The following PECAM1 variants were observed in gnomAD, a reference collection of about 807,000 sequenced individuals.
The protein encoded by PECAM1 is platelet and endothelial cell adhesion molecule 1.
A neutral mutation model predicts 13.8 loss-of-function variants in PECAM1; 8 were observed. The ratio of observed to expected loss-of-function variants is 0.58; its 90% CI spans 0.34 to 1.05. PECAM1 has a LOEUF of 1.05. PECAM1 is among the 50% of genes least tolerant of loss of function. The probability of loss-of-function intolerance (pLI) is 0.03; values close to 1 mark genes in which losing one functional copy is unlikely to be tolerated. For synonymous variants in PECAM1, 136 were observed against 52.6 expected, an observed-to-expected ratio of 2.58 and a Z score of -6.86; for missense variants, 304 against 141.2, an observed-to-expected ratio of 2.15 and a Z score of -5.84.
chr17:64,356,992 G>A (rs2035861056), intron 7 of PECAM1, among the ~76,000 whole-genome samples: 1 of 152,034 alleles, frequency 6.6e-6, no homozygotes, highest in African/African-American at 2.4e-5. Context: ...CCCAACCAAC[G>A]TCCCTGAGTC....
At chr17:64,338,597 G>A (rs1199379624) in intron 14 of PECAM1, among the ~76,000 whole-genome samples, 2 of 151,772 alleles carry the variant, frequency 1.3e-5, no homozygotes, top group Non-Finnish European at 2.9e-5. Flanking sequence ...CATTCTTGTT[G>A]CCCAGGCTGG....
At chr17:64,383,678 T>A (rs1392487390) in intron 2 of PECAM1, among the ~76,000 whole-genome samples, 1 of 152,224 alleles carries the variant, frequency 6.6e-6, no homozygotes, top group Non-Finnish European at 1.5e-5. Context: ...CTAGTTCATT[T>A]GATTTTTATA....
intron 14 of PECAM1, among the ~76,000 whole-genome samples, chr17:64,340,969 T>C (rs2035412325): frequency 6.6e-6 from 1 of 151,966 alleles, no homozygotes; most frequent in East Asian, 1.9e-4. Context: ...TGGTGGCACA[T>C]GCCTGTAATT....
chr17:64,368,457 T>C (rs948267661), intron 5 of PECAM1, among the ~76,000 whole-genome samples: 1 of 152,100 alleles, frequency 6.6e-6, no homozygotes, highest in East Asian at 1.9e-4. Context: ...CCTGTAATCC[T>C]TCGTTGAGTT....
At chr17:64,350,588 C>T (rs959360729) in intron 11 of PECAM1, among the ~76,000 whole-genome samples, 155 bp from the exon 12 acceptor site, 11 of 151,752 alleles carry the variant, frequency 7.2e-5, no homozygotes, top group African/African-American at 2.4e-4. Context: ...CTCGTTGGCC[C>T]TCCTGTGGGC....
At position 64,322,346 on chromosome 17, in the gene PECAM1, G is replaced by A. The variant is rs1433453391; in HGVS notation, c.*1470C>T. The A allele has an allele frequency of 1.8e-5, 16 of 872,328 alleles. No individual in the cohort carries two copies. In the South Asian group the frequency reaches 3.6e-4, roughly 20 times the overall value. The allele number at this position is 872,328 out of a possible 1,614,324, so 54.0% of individuals were successfully genotyped here. A position where few individuals can be genotyped will look rare whatever the true frequency, so the allele number is the denominator to read the frequency against. ...GGTTGCAGTGAGCAGAGGTTGCGCC[G>A]CTGCAGTCCAGCCCGGGCAACAAGA... On this transcript the variant is annotated 3_prime_UTR_variant, in exon 16 of 16. Transcript: ENST00000563924.
intron 15 of PECAM1, among the ~76,000 whole-genome samples, chr17:64,324,461 AG>A (rs1261171962): frequency 6.6e-6 from 1 of 152,192 alleles, no homozygotes; most frequent in East Asian, 1.9e-4. Context: ...CAATCACATC[AG>A]TCCACCAAGT....
rs1568045966 is a variant in PECAM1, at chr17:64,390,800, G to A, written c.-135C>T. 1 of 397,976 alleles carries A rather than the reference G, an allele frequency of 2.5e-6. No individual in the cohort carries two copies. The highest frequency in any genetic ancestry group is 4.4e-6 in the Non-Finnish European group (1 of 225,952). The allele number at this position is 397,976 out of a possible 1,614,324, so 24.7% of individuals were successfully genotyped here. On this transcript the variant is annotated 5_prime_UTR_variant, in exon 1 of 16. Coordinates refer to ENST00000563924, the MANE Select transcript of PECAM1 (RefSeq NM_000442.5). ...AGAAATTGCTCTGGTCACTTCTCCC[G>A]GCGCCTGCAGAGAGACCGGCTGTGG...
chr17:64,348,413 T>C (rs1297409438), intron 12 of PECAM1, 91 bp from the exon 13 acceptor site: 1 of 399,018 alleles, frequency 2.5e-6, no homozygotes. Flanking sequence ...TTTTCTTTTT[T>C]TTTTTTTTTT....
Position 64,320,639 on chromosome 17 carries a change from C to G in PECAM1, c.*3177G>C, listed in dbSNP as rs575391928. ...TTGTCACACTGCTTTGTAATTGGCTCTCTGTTAGTCTGCATCTCTACTGGG... is the reference window on the plus strand; with the variant it reads ...TTGTCACACTGCTTTGTAATTGGCTGTCTGTTAGTCTGCATCTCTACTGGG... On this transcript the variant is annotated 3_prime_UTR_variant, in exon 16 of 16. Transcript: ENST00000563924. 6.6e-6 allele frequency: 1 copy of G among 152,218 alleles called. No individual in the cohort carries two copies. The highest frequency in any genetic ancestry group is 1.5e-5 in the Non-Finnish European group (1 of 68,080). 9.4% of individuals were successfully genotyped at this position (152,218 alleles called of 1,614,324 possible).
In PECAM1 at chr17:64,347,079, A is replaced by C. The variant is rs1019574792; in HGVS notation, c.2107+1181T>G. Among the ~76,000 whole-genome samples the C allele has an allele frequency of 2.0e-3, 311 of 152,320 alleles. 1 individual carries two copies. The highest frequency in any genetic ancestry group is 2.4e-3 in the Non-Finnish European group (162 of 68,038). On this transcript the variant is annotated intron_variant, in intron 13 of 15. Transcript: ENST00000563924. ...ATTAGTAGTATCATAACTAATAATT[A>C]TCAAAAATGGCCAGGTGTGGTGGCT...
chr17:64,332,649 G>A (rs1555647005), intron 14 of PECAM1, among the ~76,000 whole-genome samples: 3 of 152,232 alleles, frequency 2.0e-5, no homozygotes, highest in African/African-American at 4.8e-5. Context: ...CAGGATGGGT[G>A]GGGACTGATC....
At chr17:64,373,872 G>A (rs118199393) in intron 4 of PECAM1, among the ~76,000 whole-genome samples, 2 of 152,022 alleles carry the variant, frequency 1.3e-5, no homozygotes, top group African/African-American at 2.4e-5. Context: ...GACTTCTCCC[G>A]GCTTGGCAAA....
At chr17:64,348,490 C>T (rs1193363734) in intron 12 of PECAM1, among the ~76,000 whole-genome samples, 168 bp from the exon 13 acceptor site, 5 of 151,314 alleles carry the variant, frequency 3.3e-5, no homozygotes, top group African/African-American at 1.2e-4. Flanking sequence ...TCACTGCAAC[C>T]TCCACCTCCC....
At chr17:64,353,353 C>A in intron 10 of PECAM1, 138 bp downstream of exon 10, 1 of 398,840 alleles carries the variant, frequency 2.5e-6, no homozygotes. Context: ...CTCACACACA[C>A]AACTCACACC....
At chr17:64,340,294 G>A (rs1321064853) in intron 14 of PECAM1, among the ~76,000 whole-genome samples, 3 of 152,252 alleles carry the variant, frequency 2.0e-5, no homozygotes, top group South Asian at 4.1e-4. Flanking sequence ...CTGGTTTGCC[G>A]ACTGTACTCG....
intron 13 of PECAM1, among the ~76,000 whole-genome samples, chr17:64,343,396 T>C (rs1370235013): frequency 1.3e-5 from 2 of 152,082 alleles, no homozygotes; most frequent in Non-Finnish European, 2.9e-5. Context: ...CCTGGGAAGT[T>C]ACAGGGCCCC....
intron 14 of PECAM1, among the ~76,000 whole-genome samples, chr17:64,336,912 G>A: frequency 6.7e-6 from 1 of 148,774 alleles, no homozygotes; most frequent in Admixed American, 6.7e-5. Flanking sequence ...GAGAGAGAGA[G>A]AAAGATAGAA....
chr17:64,366,609 T>C (rs1260025340), intron 5 of PECAM1, among the ~76,000 whole-genome samples: 2 of 151,524 alleles, frequency 1.3e-5, no homozygotes, highest in Non-Finnish European at 2.9e-5. Context: ...ATTAAGAAAA[T>C]GTGGCACATA....
Sources: allele counts gnomAD v4.1 joint callset (sites outside exome capture counted in the v4.1 genomes callset), GRCh38; gene constraint gnomAD v4.1.1; transcripts MANE v1.5; gene names NCBI Gene and HGNC (gene_info 2026-07-23, HGNC 2026-07-21).